RALYL: variants seen among roughly 807,000 people sequenced by gnomAD.
RALYL encodes RNA-binding Raly-like protein.
A neutral mutation model predicts 35.1 loss-of-function variants in RALYL; 29 were observed. The observed-to-expected ratio is 0.83, with a 90% CI of 0.61 to 1.13. The LOEUF (loss-of-function observed/expected upper bound fraction) is 1.13. Among genes scored for constraint, RALYL ranks in the 50% most tolerant of loss-of-function variants. The probability of loss-of-function intolerance (pLI) is 0.00; values close to 1 mark genes in which losing one functional copy is unlikely to be tolerated. For missense variants in RALYL, 359 were observed against 360.4 expected, an observed-to-expected ratio of 1.00 and a Z score of 0.03; for synonymous variants, 120 against 127.6, an observed-to-expected ratio of 0.94 and a Z score of 0.40.
At chr8:84,467,257 C>T (rs1054904198) in intron 1 of RALYL, among the ~76,000 whole-genome samples, 249 of 151,958 alleles carry the variant, frequency 1.6e-3, no homozygotes, top group African/African-American at 5.9e-3. Context: ...TTGGATCTTT[C>T]CTGCTTTCTC....
chr8:84,866,805 A>G (rs1839258978), intron 6 of RALYL, among the ~76,000 whole-genome samples: 2 of 152,308 alleles, frequency 1.3e-5, no homozygotes, highest in Non-Finnish European at 2.9e-5. Context: ...TTATTAAACA[A>G]GATATAAAAA....
intron 2 of RALYL, among the ~76,000 whole-genome samples, chr8:84,616,828 G>A (rs545774702): frequency 1.3e-5 from 2 of 151,904 alleles, no homozygotes; most frequent in East Asian, 3.9e-4. Flanking sequence ...AGTTTTCCCA[G>A]CACCATTTAT....
intron 6 of RALYL, among the ~76,000 whole-genome samples, chr8:84,866,510 C>T (rs763930861): frequency 6.6e-6 from 1 of 151,994 alleles, no homozygotes; most frequent in Admixed American, 6.6e-5. Flanking sequence ...AATTGCTGAA[C>T]CTAGAATCCA....
At chr8:84,779,351 A>AT (rs1817571212) in intron 3 of RALYL, among the ~76,000 whole-genome samples, 1 of 152,226 alleles carries the variant, frequency 6.6e-6, no homozygotes, top group Admixed American at 6.5e-5. Context: ...AAAAAATATC[A>AT]GAGAACAAAG....
At chr8:84,626,944 C>G (rs1564269414) in intron 2 of RALYL, among the ~76,000 whole-genome samples, 1 of 152,114 alleles carries the variant, frequency 6.6e-6, no homozygotes, top group Non-Finnish European at 1.5e-5. Context: ...ACAGACCAGT[C>G]AATTAAACCC....
At chr8:84,360,440 AACTTT>A (rs1278082758) in intron 1 of RALYL, among the ~76,000 whole-genome samples, 2 of 152,214 alleles carry the variant, frequency 1.3e-5, no homozygotes, top group South Asian at 2.1e-4. Context: ...AGTGTTTAAG[AACTTT>A]ACTTCTAGTG....
chr8:84,737,434 G>A (rs1287880657), intron 2 of RALYL, among the ~76,000 whole-genome samples: 1 of 151,756 alleles, frequency 6.6e-6, no homozygotes, highest in East Asian at 1.9e-4. Flanking sequence ...TTTCTTTCCT[G>A]ACCTAATAAT....
At chr8:84,259,502 A>AACAGGGAT (rs1247411491) in intron 1 of RALYL, among the ~76,000 whole-genome samples, 109 of 152,314 alleles carry the variant, frequency 7.2e-4, no homozygotes, top group African/African-American at 2.6e-3. Flanking sequence ...AAGCGACTTG[A>AACAGGGAT]ACAGGGATAC....
intron 3 of RALYL, among the ~76,000 whole-genome samples, chr8:84,797,339 A>C (rs1460823445): frequency 6.6e-6 from 1 of 152,234 alleles, no homozygotes; most frequent in Non-Finnish European, 1.5e-5. Context: ...AGTTTTAGAG[A>C]GGACATTCAG....
intron 2 of RALYL, among the ~76,000 whole-genome samples, chr8:84,605,819 G>A (rs1451335636): frequency 2.0e-5 from 3 of 152,114 alleles, no homozygotes; most frequent in Middle Eastern, 3.4e-3. Flanking sequence ...ACACAACCCC[G>A]GATTCTGACC....
intron 3 of RALYL, among the ~76,000 whole-genome samples, chr8:84,804,256 G>A (rs900259385): frequency 3.3e-5 from 5 of 152,162 alleles, no homozygotes; most frequent in Admixed American, 3.3e-4. Context: ...GCACAAAGGA[G>A]GCTGAAGGAC....
chr8:84,901,585 T>C (rs1165042125), intron 8 of RALYL, among the ~76,000 whole-genome samples: 3 of 151,700 alleles, frequency 2.0e-5, no homozygotes, highest in Admixed American at 2.0e-4. Flanking sequence ...GCAAGAAGGG[T>C]TTTTCTTTTA....
intron 1 of RALYL, among the ~76,000 whole-genome samples, chr8:84,216,067 A>G (rs1820742026): frequency 6.6e-6 from 1 of 152,170 alleles, no homozygotes; most frequent in Non-Finnish European, 1.5e-5. Flanking sequence ...TCATATATTA[A>G]GGCACATGAC....
intron 1 of RALYL, among the ~76,000 whole-genome samples, chr8:84,317,272 G>C (rs1394251149): frequency 6.6e-6 from 1 of 152,052 alleles, no homozygotes; most frequent in Non-Finnish European, 1.5e-5. Flanking sequence ...CTGACCTTAA[G>C]GATATTAAAT....
At chr8:84,190,071 C>G (rs1214343159) in intron 1 of RALYL, among the ~76,000 whole-genome samples, 2 of 152,194 alleles carry the variant, frequency 1.3e-5, no homozygotes, top group Admixed American at 1.3e-4. Flanking sequence ...ACACATTCAG[C>G]ATTTACTTAC....
At chr8:84,490,700 T>A (rs1229948988) in intron 1 of RALYL, among the ~76,000 whole-genome samples, 3 of 150,552 alleles carry the variant, frequency 2.0e-5, no homozygotes, top group Non-Finnish European at 4.4e-5. Context: ...GGTATTTTTT[T>A]ATAAATATAT....
intron 1 of RALYL, among the ~76,000 whole-genome samples, chr8:84,390,459 A>C (rs1334905383): frequency 6.6e-6 from 1 of 152,016 alleles, no homozygotes; most frequent in Non-Finnish European, 1.5e-5. Flanking sequence ...TCGGCTGTGA[A>C]TCCATCTGGT....
At chr8:84,206,035 T>C (rs144966538) in intron 1 of RALYL, among the ~76,000 whole-genome samples, 73 of 152,302 alleles carry the variant, frequency 4.8e-4, no homozygotes, top group African/African-American at 1.7e-3. Context: ...CCAGTCTTAT[T>C]GGATTAAGGC....
intron 2 of RALYL, among the ~76,000 whole-genome samples, chr8:84,772,159 T>A (rs1250191551): frequency 1.3e-5 from 2 of 152,112 alleles, no homozygotes; most frequent in African/African-American, 4.8e-5. Flanking sequence ...ATATGTCAAT[T>A]GTATGCATGT....
Sources: gnomAD v4.1 joint callset for allele counts (sites outside exome capture counted in the v4.1 genomes callset) on GRCh38, gnomAD v4.1.1 for gene constraint, MANE v1.5 for transcripts, NCBI Gene and HGNC (gene_info 2026-07-23, HGNC 2026-07-21) for gene names.